Variants in PDE4D observed in about 807,000 individuals in gnomAD.
PDE4D encodes phosphodiesterase 4D, also known as 3',5'-cyclic-AMP phosphodiesterase 4D.
In PDE4D, 24 loss-of-function variants were observed where a neutral mutation model predicts 87.4. The observed-to-expected ratio is 0.27, with a 90% CI of 0.20 to 0.39. PDE4D has a LOEUF of 0.39. Ranked by LOEUF, PDE4D falls within the 10% of genes least tolerant of loss-of-function variation. PDE4D has a pLI of 1.00. For synonymous variants in PDE4D, 384 were observed against 383.2 expected, an observed-to-expected ratio of 1.00 and a Z score of -0.02; for missense variants, 714 against 1,041.0, an observed-to-expected ratio of 0.69 and a Z score of 4.32.
intron 2 of PDE4D, among the ~76,000 whole-genome samples, chr5:60,131,163 CTTTCA>C (rs1779533813): frequency 6.6e-6 from 1 of 152,108 alleles, no homozygotes; most frequent in Non-Finnish European, 1.5e-5. Context: ...TATCTATTTT[CTTTCA>C]TTTAATGTTT....
chr5:59,901,920 GCAAA>G (rs1188991654), intron 3 of PDE4D, among the ~76,000 whole-genome samples: 1 of 97,140 alleles, frequency 1.0e-5, no homozygotes, highest in African/African-American at 3.6e-5. Flanking sequence ...TGTCTTACAT[GCAAA>G]CACACACACA....
chr5:60,241,489 G>A (rs1197177292), intron 1 of PDE4D, among the ~76,000 whole-genome samples: 1 of 151,966 alleles, frequency 6.6e-6, no homozygotes, highest in Admixed American at 6.6e-5. Context: ...GGCCAGGCTG[G>A]TCTCAAACTC....
At chr5:59,875,167 A>G (rs373307170) in intron 1 of PDE4D, among the ~76,000 whole-genome samples, 1 of 152,170 alleles carries the variant, frequency 6.6e-6, no homozygotes, top group Admixed American at 6.5e-5. Context: ...AATGAACACA[A>G]GAAGGAATCT....
intron 1 of PDE4D, among the ~76,000 whole-genome samples, chr5:59,375,606 T>C (rs11747768): frequency 0.051 from 7,722 of 152,212 alleles, 288 homozygotes; most frequent in South Asian, 0.16. Context: ...TTCTACCAGA[T>C]GTACAAAGAA....
chr5:59,400,711 T>G (rs1790439020), intron 1 of PDE4D, among the ~76,000 whole-genome samples: 1 of 144,480 alleles, frequency 6.9e-6, no homozygotes, highest in Admixed American at 7.0e-5. Flanking sequence ...TGTGCACATG[T>G]ACCCTAAAAC....
intron 10 of PDE4D, among the ~76,000 whole-genome samples, chr5:58,989,346 AAAATT>A (rs1479580344): frequency 6.6e-6 from 1 of 152,208 alleles, no homozygotes; most frequent in Non-Finnish European, 1.5e-5. Flanking sequence ...AGGATTTAGA[AAAATT>A]AAAGTATGTC....
intron 1 of PDE4D, among the ~76,000 whole-genome samples, chr5:59,709,770 T>TTAC (rs766054295): frequency 5.3e-5 from 8 of 152,094 alleles, no homozygotes; most frequent in Admixed American, 4.6e-4. Flanking sequence ...AATCGCTGGG[T>TTAC]GGTATGCAGA....
chr5:59,917,500 A>G (rs976870945), intron 3 of PDE4D, among the ~76,000 whole-genome samples: 5 of 152,210 alleles, frequency 3.3e-5, no homozygotes, highest in African/African-American at 1.2e-4. Context: ...AAACTGTGAT[A>G]CAGAAGACCT....
At chr5:59,890,425 C>T (rs1021941961) in intron 1 of PDE4D, among the ~76,000 whole-genome samples, 1 of 152,148 alleles carries the variant, frequency 6.6e-6, no homozygotes, top group African/African-American at 2.4e-5. Context: ...CACTGATTTG[C>T]CTCTGTTGTG....
intron 2 of PDE4D, among the ~76,000 whole-genome samples, chr5:60,124,449 C>A (rs371452149): frequency 7.9e-6 from 1 of 127,176 alleles, no homozygotes. Context: ...CAGTTGATAG[C>A]CTATTTCTTT....
At chr5:59,039,153 G>T in intron 5 of PDE4D, 182 bp from the exon 6 acceptor site, 1 of 1,358,356 alleles carries the variant, frequency 7.4e-7, no homozygotes, top group Non-Finnish European at 9.5e-7. Context: ...TGTGCTCGCG[G>T]GGCGGCCGGC....
chr5:59,362,712 A>T, intron 1 of PDE4D, among the ~76,000 whole-genome samples: 1 of 152,206 alleles, frequency 6.6e-6, no homozygotes, highest in East Asian at 1.9e-4. Flanking sequence ...TTGGCCACGT[A>T]CCAAATAAGG....
chr5:59,527,200 C>CT (rs1457272132), intron 1 of PDE4D, among the ~76,000 whole-genome samples: 1 of 152,120 alleles, frequency 6.6e-6, no homozygotes, highest in African/African-American at 2.4e-5. Flanking sequence ...CAACATTTAT[C>CT]TTTTTCTGAG....
At chr5:59,826,143 C>A (rs1399883250) in intron 1 of PDE4D, among the ~76,000 whole-genome samples, 1 of 152,130 alleles carries the variant, frequency 6.6e-6, no homozygotes, top group African/African-American at 2.4e-5. Flanking sequence ...CATGGGCCTG[C>A]TAATATTTTG....
intron 1 of PDE4D, among the ~76,000 whole-genome samples, chr5:59,615,166 T>C (rs1829507927): frequency 6.6e-6 from 1 of 152,156 alleles, no homozygotes; most frequent in Admixed American, 6.5e-5. Flanking sequence ...ATTCTAGCCA[T>C]GCGCTTCTTA....
intron 6 of PDE4D, among the ~76,000 whole-genome samples, chr5:59,000,590 C>A (rs1202148496): frequency 1.3e-5 from 2 of 152,064 alleles, no homozygotes; most frequent in Non-Finnish European, 2.9e-5. Flanking sequence ...ACTTGCAATT[C>A]TGGGGGGAGG....
In PDE4D at chr5:60,447,031, C is replaced by T. The variant is rs73759056; in HGVS notation, c.-90+40911G>A. ...GAAGGAAAACCCTACCTCAGATGGA[C>T]GGCCTGATGGCAATGTGGTGATTGT... On this transcript the variant is annotated intron_variant, in intron 1 of 16. Coordinates refer to the PDE4D transcript ENST00000502484. Among the ~76,000 whole-genome samples the T allele has an allele frequency of 4.4e-3, 676 of 152,250 alleles. 1 individual carries two copies. The highest frequency in any genetic ancestry group is 0.02 in the Middle Eastern group (6 of 294).
intron 1 of PDE4D, among the ~76,000 whole-genome samples, chr5:59,408,498 C>T (rs938237058): frequency 1.3e-5 from 2 of 152,336 alleles, no homozygotes; most frequent in Middle Eastern, 3.4e-3. Flanking sequence ...GATTGAAGCC[C>T]TGCCCACAAA....
At chr5:59,759,894 A>G (rs1239435529) in intron 1 of PDE4D, among the ~76,000 whole-genome samples, 3 of 152,206 alleles carry the variant, frequency 2.0e-5, no homozygotes, top group Admixed American at 1.3e-4. Context: ...TATTATTACC[A>G]TAAGAGACAG....
Sources: allele counts gnomAD v4.1 joint callset (sites outside exome capture counted in the v4.1 genomes callset), GRCh38; gene constraint gnomAD v4.1.1; transcripts MANE v1.5; gene names NCBI Gene and HGNC (gene_info 2026-07-23, HGNC 2026-07-21).